CYFIP2: variants seen among roughly 807,000 people sequenced by gnomAD.
CYFIP2 encodes the protein cytoplasmic FMR1-interacting protein 2.
CYFIP2 carries 29 observed loss-of-function variants against 158.7 expected under a neutral mutation model. That is an observed-to-expected ratio of 0.18 (90% CI 0.14 to 0.25). The LOEUF (loss-of-function observed/expected upper bound fraction) is 0.25. Ranked by LOEUF, CYFIP2 falls within the 10% of genes least tolerant of loss-of-function variation. The pLI, the probability that CYFIP2 is intolerant of heterozygous loss-of-function variation, is 1.00. For synonymous variants in CYFIP2, 585 were observed against 617.6 expected, an observed-to-expected ratio of 0.95 and a Z score of 0.78; for missense variants, 852 against 1,639.5, an observed-to-expected ratio of 0.52 and a Z score of 8.29.
Position 157,339,013 on chromosome 5 carries a change from T to C in CYFIP2, c.2386-44T>C. ...AAGATAAAACACACACATGTAATGC[T>C]TACAAGCAAGTCCTCAGCAGTTGTG... On this transcript the variant is annotated intron_variant, in intron 21 of 30. Coordinates refer to ENST00000620254, the MANE Select transcript of CYFIP2 (RefSeq NM_001037333.3). The C allele has an allele frequency of 1.9e-6, 3 of 1,554,418 alleles. No individual in the cohort carries two copies. The South Asian group carries it at 3.6e-5, about 19-fold the overall frequency.
chr5:157,299,660 G>A (rs1393300048), intron 5 of CYFIP2, among the ~76,000 whole-genome samples: 6 of 152,158 alleles, frequency 3.9e-5, no homozygotes, highest in Non-Finnish European at 5.9e-5. Flanking sequence ...CAGCACTTTG[G>A]GAGGCCAAGG....
intron 26 of CYFIP2, chr5:157,375,942 C>T (rs755372145): frequency 7.2e-5 from 11 of 152,180 alleles, no homozygotes; most frequent in African/African-American, 1.9e-4. Context: ...CTCTAAGCCC[C>T]GTTAGAACTG....
At chr5:157,292,293 C>T (rs1452222272) in intron 3 of CYFIP2, among the ~76,000 whole-genome samples, 2 of 151,872 alleles carry the variant, frequency 1.3e-5, no homozygotes, top group African/African-American at 4.8e-5. Flanking sequence ...AATCTTGGCT[C>T]ACCGCAACTT....
chr5:157,286,911 C>T, intron 2 of CYFIP2, 108 bp from the exon 3 acceptor site: 1 of 757,320 alleles, frequency 1.3e-6, no homozygotes, highest in East Asian at 2.9e-5. Context: ...CAGGAGGTTT[C>T]CACAGAGAGC....
At chr5:157,298,371 G>A (rs888809859) in intron 5 of CYFIP2, among the ~76,000 whole-genome samples, 4 of 151,900 alleles carry the variant, frequency 2.6e-5, no homozygotes, top group Middle Eastern at 3.4e-3. Flanking sequence ...TCTCTCTGTC[G>A]CTCAGGCTGG....
intron 23 of CYFIP2, among the ~76,000 whole-genome samples, chr5:157,350,044 A>C (rs1762965451): frequency 6.6e-6 from 1 of 152,158 alleles, no homozygotes; most frequent in African/African-American, 2.4e-5. Context: ...TCAGATGTAT[A>C]GTTTGCAAAG....
chr5:157,341,916 T>C (rs1053479257), intron 23 of CYFIP2: 1 of 152,234 alleles, frequency 6.6e-6, no homozygotes, highest in African/African-American at 2.4e-5. Context: ...CTGACAGCAT[T>C]TGAGGTGGTT....
In CYFIP2 at chr5:157,330,669, A is replaced by G. The variant is rs921776358; in HGVS notation, c.2157-73A>G. 4 of 1,150,118 alleles carry G rather than the reference A, an allele frequency of 3.5e-6. No individual in the cohort carries two copies. The Admixed American group carries it at 5.4e-5, about 15-fold the overall frequency. 71.2% of individuals were successfully genotyped at this position (1,150,118 alleles called of 1,614,324 possible). ...CTGTGGGTAGATCCTATGATCTGAA[A>G]TAGATGTATCTGGGCAGTTGAGAGT... is the stretch of plus-strand genomic sequence containing the variant. On this transcript the variant is annotated intron_variant, in intron 19 of 30. Coordinates refer to ENST00000620254, the MANE Select transcript of CYFIP2 (RefSeq NM_001037333.3).
chr5:157,294,797 G>A lies in CYFIP2; in HGVS notation c.222G>A (p.Glu74=). Residue 74 remains glutamate (E), a synonymous_variant, in exon 4 of 31, where the codon GAG becomes GAA. Transcript: ENST00000620254. ...TACCATTTCAGAATGAGATGCTGGA[G>A]GAAGGACATGAGTATGCGGTCATGC... The part of the protein sequence containing the change: ...TVHSSMNEML[E]EGHEYAVMLY... The A allele has an allele frequency of 6.2e-7, 1 of 1,613,688 alleles. No homozygotes were observed. Among genetic ancestry groups the A allele is most frequent in the Non-Finnish European group, 8.5e-7 (1 of 1,179,664 alleles).
At position 157,274,687 on chromosome 5, in the gene CYFIP2, T is replaced by A. The variant is rs369772247; in HGVS notation, c.-24+8492T>A. On this transcript the variant is annotated intron_variant, in intron 1 of 30. Transcript: ENST00000620254. ...GTTGCGGCACCATCTTACATTCCCA[T>A]TAGCAACGGTATTCTCAGTTTCTCC... is the stretch of plus-strand genomic sequence containing the variant. 7.2e-5 allele frequency among the ~76,000 whole-genome samples: 11 copies of A among 152,316 alleles called. 1 individual carries two copies. The highest frequency in any genetic ancestry group is 6.5e-4 in the Admixed American group (10 of 15,296).
chr5:157,335,377 A>G (rs1761776081), intron 21 of CYFIP2, among the ~76,000 whole-genome samples: 1 of 152,162 alleles, frequency 6.6e-6, no homozygotes, highest in African/African-American at 2.4e-5. Flanking sequence ...TCCAGGGTTC[A>G]AGCAATTCTC....
At chr5:157,342,461 C>A in intron 23 of CYFIP2, 1 of 163,864 alleles carries the variant, frequency 6.1e-6, no homozygotes, top group Non-Finnish European at 1.3e-5. Flanking sequence ...GCAGAGGAAA[C>A]TGGACATCTA....
intron 21 of CYFIP2, among the ~76,000 whole-genome samples, chr5:157,337,716 C>A (rs1761961262): frequency 6.6e-6 from 1 of 152,208 alleles, no homozygotes; most frequent in Non-Finnish European, 1.5e-5. Context: ...TGGACATATT[C>A]CAGCCATTAC....
intron 15 of CYFIP2, chr5:157,323,117 C>T: frequency 1.8e-6 from 2 of 1,119,162 alleles, no homozygotes; most frequent in Non-Finnish European, 2.6e-6. Flanking sequence ...CCCTAAGATT[C>T]ACAGACAAAT....
intron 6 of CYFIP2, among the ~76,000 whole-genome samples, chr5:157,301,204 T>A (rs1247561929): frequency 6.6e-6 from 1 of 152,194 alleles, no homozygotes; most frequent in Non-Finnish European, 1.5e-5. Flanking sequence ...ACCAGTAAGA[T>A]CATCACAAAA....
intron 23 of CYFIP2, among the ~76,000 whole-genome samples, chr5:157,354,491 G>A (rs1250565056): frequency 6.6e-6 from 1 of 152,068 alleles, no homozygotes. Context: ...TCAGATGGGT[G>A]CCCTTCGGGG....
chr5:157,328,600 G>C (rs530217037), intron 19 of CYFIP2, among the ~76,000 whole-genome samples: 1 of 152,342 alleles, frequency 6.6e-6, no homozygotes, highest in South Asian at 2.1e-4. Context: ...ACTAGAGGGG[G>C]CAAGCTGCAT....
chr5:157,372,020 C>G (rs1002309058), intron 26 of CYFIP2, among the ~76,000 whole-genome samples: 1 of 152,310 alleles, frequency 6.6e-6, no homozygotes, highest in Non-Finnish European at 1.5e-5. Context: ...AGAGAAACTT[C>G]TGCAGAAGCA....
At chr5:157,323,500 G>C (rs1201747851) in intron 15 of CYFIP2, among the ~76,000 whole-genome samples, 2 of 152,202 alleles carry the variant, frequency 1.3e-5, no homozygotes, top group Non-Finnish European at 2.9e-5. Flanking sequence ...GGGCTTTGTT[G>C]CCTAAGGTCA....
Sources: allele counts gnomAD v4.1 joint callset (sites outside exome capture counted in the v4.1 genomes callset), GRCh38; gene constraint gnomAD v4.1.1; transcripts MANE v1.5; gene names NCBI Gene and HGNC (gene_info 2026-07-23, HGNC 2026-07-21).